The following PAQR5 variants were observed in gnomAD, a reference collection of about 807,000 sequenced individuals.
PAQR5 encodes the protein progestin and adipoQ receptor family member 5.
Under a neutral mutation model 34.5 loss-of-function variants are expected in PAQR5, and 20 were observed. That is an observed-to-expected ratio of 0.58 (90% CI 0.41 to 0.84). The LOEUF is 0.84. Ranked by LOEUF, PAQR5 falls within the 40% of genes least tolerant of loss-of-function variation. PAQR5 has a pLI of 0.00. For missense variants in PAQR5, 378 were observed against 412.7 expected (o/e 0.92, Z 0.73); for synonymous variants, 131 against 155.6 (o/e 0.84, Z 1.18).
At chr15:69,400,209 G>C in intron 8 of PAQR5, 94 bp downstream of exon 8, 1 of 1,293,712 alleles carries the variant, frequency 7.7e-7, no homozygotes, top group South Asian at 1.4e-5. Flanking sequence ...GCAAAGGGCA[G>C]GGAAGGGCAG....
At chr15:69,368,339 C>G (rs550726440) in intron 3 of PAQR5, among the ~76,000 whole-genome samples, 30 of 152,358 alleles carry the variant, frequency 2.0e-4, no homozygotes, top group Non-Finnish European at 1.2e-4. Context: ...AGGCATGAGC[C>G]ACTGTGCGTC....
intron 5 of PAQR5, among the ~76,000 whole-genome samples, chr15:69,388,206 G>C (rs1362159867): frequency 6.6e-6 from 1 of 152,176 alleles, no homozygotes; most frequent in African/African-American, 2.4e-5. Flanking sequence ...CAGGCTTCCA[G>C]GGGTTCCTCC....
At chr15:69,336,253 C>T (rs1047505237) in intron 1 of PAQR5, among the ~76,000 whole-genome samples, 2 of 152,084 alleles carry the variant, frequency 1.3e-5, no homozygotes, top group Admixed American at 1.3e-4. Flanking sequence ...ACAAACTTTC[C>T]AAAATCAAAT....
chr15:69,394,206 G>T lies in PAQR5; in HGVS notation c.513-3262G>T, dbSNP rs1434504177. Among the ~76,000 whole-genome samples, 8 of 40,554 alleles carry T rather than the reference G, an allele frequency of 2.0e-4. No homozygotes were observed. The Admixed American group carries it at 2.4e-3, about 12-fold the overall frequency. The allele number at this position is 40,554 out of a possible 152,430, so 26.6% of individuals were successfully genotyped here. A position where few individuals can be genotyped will look rare whatever the true frequency, so the allele number is the denominator to read the frequency against. On this transcript the variant is annotated intron_variant, in intron 6 of 8. Transcript: ENST00000395407. ...AGATTAATTTTCACCCATGAGCTCT[G>T]CTCTAAGGACAGCTTAGAGGCAGTT...
In PAQR5 at chr15:69,384,658, T is replaced by G; in HGVS notation, c.180-19T>G. On this transcript the variant is annotated intron_variant, in intron 4 of 8. Transcript: ENST00000395407. The stretch of plus-strand genomic sequence containing the variant: ...CTCTGTGTTCATGGTGGAGGGTGAG[T>G]GAGCCCTCTGTGTTCCAGGTTCTTT... 1.3e-6 allele frequency: 2 copies of G among 1,589,460 alleles called. No homozygotes were observed. Among genetic ancestry groups the G allele is most frequent in the Non-Finnish European group, 1.7e-6 (2 of 1,158,066 alleles).
intron 1 of PAQR5, among the ~76,000 whole-genome samples, chr15:69,336,677 T>G (rs2054521491): frequency 1.3e-5 from 2 of 152,198 alleles, no homozygotes; most frequent in African/African-American, 4.8e-5. Context: ...TAAATGCAGA[T>G]TTCTGCTTAA....
In PAQR5 at chr15:69,385,829, A is replaced by G. The variant is rs1426886538; in HGVS notation, c.385+947A>G. 6.6e-6 allele frequency among the ~76,000 whole-genome samples: 1 copy of G among 151,280 alleles called. No individual in the cohort carries two copies. Among genetic ancestry groups the G allele is most frequent in the Non-Finnish European group, 1.5e-5 (1 of 67,778 alleles). On this transcript the variant is annotated intron_variant, in intron 5 of 8. Transcript: ENST00000395407. This position sits in a 1 kb window ranked among gnomAD's most constrained non-coding sequence, Gnocchi z 4.7. ...CTCACACATGCACATACACACACTC[A>G]CCACATATACACAATACACTTACAT...
intron 3 of PAQR5, among the ~76,000 whole-genome samples, chr15:69,367,523 T>A (rs1567024021): frequency 6.6e-6 from 1 of 152,074 alleles, no homozygotes; most frequent in African/African-American, 2.4e-5. Flanking sequence ...CAGGCAGCCA[T>A]CTCCTGGCTG....
chr15:69,394,410 A>G (rs1413436822), intron 6 of PAQR5, among the ~76,000 whole-genome samples: 1 of 152,132 alleles, frequency 6.6e-6, no homozygotes, highest in Non-Finnish European at 1.5e-5. Context: ...AAAATAAGAC[A>G]ACTCCTACAC....
In PAQR5 at chr15:69,405,897, G is replaced by A. The variant is rs1286338871; in HGVS notation, c.*2075G>A. 3 of 152,092 alleles carry A rather than the reference G, an allele frequency of 2.0e-5. No individual in the cohort carries two copies. Among genetic ancestry groups the A allele is most frequent in the Non-Finnish European group, 4.4e-5 (3 of 68,012 alleles). 9.4% of individuals were successfully genotyped at this position (152,092 alleles called of 1,614,324 possible). On this transcript the variant is annotated 3_prime_UTR_variant, in exon 9 of 9. Transcript: ENST00000395407. ...AACTTTAGTCCCATTATATACTTTT[G>A]GGGACAGTGTTATAAATCAGAATTT...
Position 69,384,765 on chromosome 15 carries a change from A to G in PAQR5, c.268A>G (p.Thr90Ala). Residue 90 changes from threonine (T) to alanine (A), a missense_variant, in exon 5 of 9, where the codon ACC becomes GCC. Thr to Ala is a moderately conservative substitution (Grantham distance 58). Transcript: ENST00000395407. Reference sequence around the variant, plus strand: ...CTGGCCCATGCTTGTGTACATGTGCACCAGCTGCGTGTACCCACTTGTGTC... The same window carrying G: ...CTGGCCCATGCTTGTGTACATGTGCGCCAGCTGCGTGTACCCACTTGTGTC... ...YSWPMLVYMC[T>A]SCVYPLVSSC... 1 of 1,613,538 alleles carries G rather than the reference A, an allele frequency of 6.2e-7. No homozygotes were observed.
chr15:69,384,346 A>G (rs2056037867), intron 4 of PAQR5, among the ~76,000 whole-genome samples: 1 of 117,208 alleles, frequency 8.5e-6, no homozygotes, highest in African/African-American at 3.4e-5. Context: ...GCGGAGGGTG[A>G]GTGGGCCCTC....
chr15:69,391,650 G>A (rs957881815), intron 6 of PAQR5: 8 of 455,886 alleles, frequency 1.8e-5, no homozygotes, highest in East Asian at 6.9e-5. Flanking sequence ...CATCTGGTTC[G>A]CTCTCCTAGG....
At chr15:69,315,459 T>A (rs2053925031) in intron 1 of PAQR5, among the ~76,000 whole-genome samples, 1 of 152,052 alleles carries the variant, frequency 6.6e-6, no homozygotes, top group African/African-American at 2.4e-5. Context: ...AGGGAATGGG[T>A]CTCGAATGGG....
chr15:69,318,975 A>G (rs2054018181), intron 1 of PAQR5, among the ~76,000 whole-genome samples: 1 of 151,332 alleles, frequency 6.6e-6, no homozygotes, highest in South Asian at 2.1e-4. Context: ...CTCTAATAAA[A>G]ATACAAAAGT....
chr15:69,329,433 G>A (rs2054327602), intron 1 of PAQR5, among the ~76,000 whole-genome samples: 1 of 135,144 alleles, frequency 7.4e-6, no homozygotes, highest in African/African-American at 2.8e-5. Flanking sequence ...AATTATATAT[G>A]TATATTTTAC....
chr15:69,304,300 C>G (rs1199351106), intron 1 of PAQR5, among the ~76,000 whole-genome samples: 2 of 152,198 alleles, frequency 1.3e-5, no homozygotes, highest in Admixed American at 1.3e-4. Flanking sequence ...TGACTTTCAG[C>G]CACAGTGGAT....
At chr15:69,328,847 C>G (rs975905277) in intron 1 of PAQR5, among the ~76,000 whole-genome samples, 1 of 152,206 alleles carries the variant, frequency 6.6e-6, no homozygotes, top group Non-Finnish European at 1.5e-5. Context: ...AGGGCAAGGC[C>G]AGTGCAGCCT....
intron 2 of PAQR5, among the ~76,000 whole-genome samples, chr15:69,357,119 C>T (rs1048380892): frequency 5.9e-5 from 9 of 152,006 alleles, no homozygotes; most frequent in African/African-American, 9.7e-5. Flanking sequence ...GCTACTCCTT[C>T]GCCTTCCGCT....
Sources: gnomAD v4.1 joint callset for allele counts (sites outside exome capture counted in the v4.1 genomes callset) on GRCh38, gnomAD v4.1.1 for gene constraint, Gnocchi (gnomAD v3.1) non-coding constraint, MANE v1.5 for transcripts, NCBI Gene and HGNC (gene_info 2026-07-23, HGNC 2026-07-21) for gene names.